The following RAP1B variants were observed in gnomAD, a reference collection of about 807,000 sequenced individuals.
RAP1B encodes RAP1B, member of RAS oncogene family.
RAP1B carries 1 observed loss-of-function variant against 27.5 expected under a neutral mutation model. The observed-to-expected ratio is 0.04, with a 90% confidence interval of 0.01 to 0.17. The LOEUF is 0.17. RAP1B is among the 10% of genes least tolerant of loss of function. RAP1B has a pLI of 1.00. For synonymous variants in RAP1B, 75 were observed against 73.1 expected (o/e 1.03, Z -0.13); for missense variants, 84 against 214.8 (o/e 0.39, Z 3.81).
At chr12:68,627,944 T>A (rs1405244172) in intron 1 of RAP1B, among the ~76,000 whole-genome samples, 1 of 151,450 alleles carries the variant, frequency 6.6e-6, no homozygotes, top group African/African-American at 2.4e-5. Context: ...CTGCAAAAAA[T>A]TTAAAAAAAA....
chr12:68,653,699 C>T (rs896307257), intron 4 of RAP1B, among the ~76,000 whole-genome samples: 15 of 152,004 alleles, frequency 9.9e-5, no homozygotes, highest in African/African-American at 3.1e-4. Flanking sequence ...GAGGCCGAGA[C>T]GGGCAGATCA....
chr12:68,615,525 G>T (rs1260669891), intron 1 of RAP1B, among the ~76,000 whole-genome samples: 1 of 151,556 alleles, frequency 6.6e-6, no homozygotes, highest in African/African-American at 2.4e-5. Context: ...GGAGGCGGAG[G>T]TTGCAGTGAG....
intron 1 of RAP1B, chr12:68,626,975 C>T (rs1012225020): frequency 3.9e-6 from 6 of 1,532,414 alleles, no homozygotes; most frequent in Admixed American, 1.7e-5. Flanking sequence ...TGTCTTCAAA[C>T]TCATTGGCAT....
In RAP1B at chr12:68,667,027, C is replaced by T. The variant is rs1283629002; in HGVS notation, c.*7778C>T. On this transcript the variant is annotated 3_prime_UTR_variant, in exon 8 of 8. Transcript: ENST00000250559. Reference sequence around the variant, plus strand: ...TAACCATTGTCATCCCACAGAATTACCTTCTACTTGTGTCAGTATATATCC... The same window carrying T: ...TAACCATTGTCATCCCACAGAATTATCTTCTACTTGTGTCAGTATATATCC... 6.6e-6 allele frequency: 1 copy of T among 152,154 alleles called. No individual in the cohort carries two copies. The highest frequency in any genetic ancestry group is 1.5e-5 in the Non-Finnish European group (1 of 68,038). 9.4% of individuals were successfully genotyped at this position (152,154 alleles called of 1,614,324 possible).
At position 68,668,753 on chromosome 12, in the gene RAP1B, A is replaced by G. The variant is rs987267941; in HGVS notation, c.*9504A>G. On this transcript the variant is annotated 3_prime_UTR_variant, in exon 8 of 8. Coordinates refer to ENST00000250559, the MANE Select transcript of RAP1B (RefSeq NM_001010942.3). Reference sequence around the variant, plus strand: ...GAATGATGAAAGAATAAGAAAAACCAGCAAATGATAGCTTACTTATTCAGT... The same window carrying G: ...GAATGATGAAAGAATAAGAAAAACCGGCAAATGATAGCTTACTTATTCAGT... 6.6e-6 allele frequency: 1 copy of G among 152,240 alleles called. No individual in the cohort carries two copies. The highest frequency in any genetic ancestry group is 1.5e-5 in the Non-Finnish European group (1 of 68,042). 9.4% of individuals were successfully genotyped at this position (152,240 alleles called of 1,614,324 possible).
intron 4 of RAP1B, 30 bp from the exon 5 acceptor site, chr12:68,654,081 GT>G: frequency 6.5e-7 from 1 of 1,542,060 alleles, no homozygotes; most frequent in Admixed American, 1.8e-5. Flanking sequence ...AAACATTATT[GT>G]TTTTTAACGT....
intron 1 of RAP1B, among the ~76,000 whole-genome samples, chr12:68,632,446 T>G (rs1269143033): frequency 6.6e-6 from 1 of 152,172 alleles, no homozygotes; most frequent in Non-Finnish European, 1.5e-5. Context: ...ACAAAAATTT[T>G]TTTTAATTAA....
chr12:68,636,928 C>G (rs1012226154), intron 1 of RAP1B, among the ~76,000 whole-genome samples: 3 of 151,984 alleles, frequency 2.0e-5, no homozygotes, highest in Admixed American at 2.0e-4. Flanking sequence ...TGCTGAGATT[C>G]CAGGCATGAG....
intron 7 of RAP1B, among the ~76,000 whole-genome samples, chr12:68,658,261 T>C (rs1319085861): frequency 2.0e-5 from 3 of 152,242 alleles, no homozygotes; most frequent in African/African-American, 4.8e-5. Context: ...GCTTTCTGTT[T>C]AGTGGTATAT....
intron 1 of RAP1B, among the ~76,000 whole-genome samples, chr12:68,616,781 A>G (rs1435041783): frequency 6.6e-6 from 1 of 151,458 alleles, no homozygotes; most frequent in East Asian, 2.0e-4. Flanking sequence ...GCCCAAGCTC[A>G]CCTCAAACTC....
At chr12:68,657,863 T>C (rs1039870841) in intron 7 of RAP1B, 2 of 156,046 alleles carry the variant, frequency 1.3e-5, no homozygotes, top group Non-Finnish European at 2.8e-5. Flanking sequence ...ATGTTCATCA[T>C]GTGCCAGTCA....
chr12:68,626,985 T>G, intron 1 of RAP1B: 1 of 1,543,330 alleles, frequency 6.5e-7, no homozygotes, highest in East Asian at 2.2e-5. Context: ...CTCATTGGCA[T>G]TGAACTTGGT....
chr12:68,645,473 T>C (rs1873338591), intron 1 of RAP1B, among the ~76,000 whole-genome samples: 1 of 152,212 alleles, frequency 6.6e-6, no homozygotes, highest in Non-Finnish European at 1.5e-5. Flanking sequence ...TTTTAGGGAA[T>C]TGACATATTT....
rs138909947 is a variant in RAP1B at position 68,656,949 on chromosome 12, G to A, written c.469-152G>A. 748 of 699,854 alleles carry A rather than the reference G, an allele frequency of 1.1e-3. 5 individuals carry two copies. The African/African-American group carries it at 0.012, about 11-fold the overall frequency. The allele number at this position is 699,854 out of a possible 1,614,324, so 43.4% of individuals were successfully genotyped here. A position where few individuals can be genotyped will look rare whatever the true frequency, so the allele number is the denominator to read the frequency against. ...ACTCCCCAAAAATTTGAGCTTGGCA[G>A]TTATAACACCTGATTTTATTCTCAT... On this transcript the variant is annotated intron_variant, in intron 6 of 7. Coordinates refer to ENST00000250559, the MANE Select transcript of RAP1B (RefSeq NM_001010942.3).
At chr12:68,637,160 G>A (rs1242405815) in intron 1 of RAP1B, among the ~76,000 whole-genome samples, 1 of 152,130 alleles carries the variant, frequency 6.6e-6, no homozygotes, top group Non-Finnish European at 1.5e-5. Flanking sequence ...AGACCAAATA[G>A]TGGGTACCAA....
At chr12:68,623,800 A>G (rs1211933910) in intron 1 of RAP1B, among the ~76,000 whole-genome samples, 1 of 152,230 alleles carries the variant, frequency 6.6e-6, no homozygotes, top group Non-Finnish European at 1.5e-5. Flanking sequence ...AGGTGGGTGG[A>G]TCACGAGGTC....
intron 1 of RAP1B, among the ~76,000 whole-genome samples, chr12:68,642,008 T>C (rs1359569072): frequency 6.6e-6 from 1 of 152,236 alleles, no homozygotes. Context: ...ATAGTTGCAC[T>C]GTTGATAACA....
At chr12:68,623,648 T>C (rs1871537041) in intron 1 of RAP1B, among the ~76,000 whole-genome samples, 1 of 152,238 alleles carries the variant, frequency 6.6e-6, no homozygotes. Context: ...TGCCATTATA[T>C]ATTAGGATTA....
At chr12:68,617,994 C>T (rs147939904) in intron 1 of RAP1B, among the ~76,000 whole-genome samples, 2,637 of 151,098 alleles carry the variant, frequency 0.017, 41 homozygotes, top group Non-Finnish European at 0.024. Context: ...AACTCCTGAG[C>T]TCAAGTAATC....
Sources: allele counts gnomAD v4.1 joint callset (sites outside exome capture counted in the v4.1 genomes callset), GRCh38; gene constraint gnomAD v4.1.1; transcripts MANE v1.5; gene names NCBI Gene and HGNC (gene_info 2026-07-23, HGNC 2026-07-21).